RSU1: variants seen among roughly 807,000 people sequenced by gnomAD.
RSU1 encodes Ras suppressor protein 1, also known as rsu-1.
RSU1 carries 26 observed loss-of-function variants against 31.1 expected under a neutral mutation model. The observed-to-expected ratio is 0.84, with a 90% confidence interval of 0.61 to 1.16. The LOEUF is 1.16. Ranked by LOEUF, RSU1 falls within the 50% of genes most tolerant of loss-of-function variation. The pLI is 0.00. For synonymous variants in RSU1, 164 were observed against 136.3 expected, an observed-to-expected ratio of 1.20 and a Z score of -1.41; for missense variants, 320 against 339.1, an observed-to-expected ratio of 0.94 and a Z score of 0.44.
At chr10:16,642,174 G>A (rs1834453775) in intron 8 of RSU1, among the ~76,000 whole-genome samples, 1 of 152,092 alleles carries the variant, frequency 6.6e-6, no homozygotes. Flanking sequence ...GAGGAATACT[G>A]AAATCCACTT....
At chr10:16,704,639 GT>G (rs1432363756) in intron 7 of RSU1, among the ~76,000 whole-genome samples, 3 of 152,214 alleles carry the variant, frequency 2.0e-5, no homozygotes, top group East Asian at 1.9e-4. Flanking sequence ...CCAGAATTCT[GT>G]CATCAGAATC....
intron 7 of RSU1, among the ~76,000 whole-genome samples, chr10:16,709,261 T>C (rs1014739135): frequency 3.3e-5 from 5 of 152,082 alleles, no homozygotes; most frequent in African/African-American, 1.2e-4. Flanking sequence ...TTTTTTGTCC[T>C]TGCGATAGTT....
chr10:16,738,948 G>A (rs544126073), intron 7 of RSU1, among the ~76,000 whole-genome samples: 50 of 149,542 alleles, frequency 3.3e-4, no homozygotes, highest in Admixed American at 6.0e-4. Context: ...ACTTATGAAC[G>A]AGAACATGTG....
At position 16,662,727 on chromosome 10, in the gene RSU1, T is replaced by A. The variant is rs556659466; in HGVS notation, c.731+32296A>T. ...ACGAAAGGAACTTCCAAACTTCAAC[T>A]GGTTAGATATTATCTGATCACTCAT... On this transcript the variant is annotated intron_variant, in intron 8 of 8. Transcript: ENST00000345264. 7.2e-5 allele frequency among the ~76,000 whole-genome samples: 11 copies of A among 152,308 alleles called. No homozygotes were observed. In the South Asian group the frequency reaches 1.2e-3, roughly 17 times the overall value.
chr10:16,801,170 T>A (rs1222678039), intron 2 of RSU1, among the ~76,000 whole-genome samples: 1 of 150,070 alleles, frequency 6.7e-6, no homozygotes, highest in Non-Finnish European at 1.5e-5. Context: ...TAGATACAAC[T>A]AAATTAAAAG....
chr10:16,616,716 G>A lies in RSU1; in HGVS notation c.732-23220C>T, dbSNP rs183388253. Among the ~76,000 whole-genome samples the A allele has an allele frequency of 9.6e-4, 146 of 152,234 alleles. 1 individual carries two copies. Among genetic ancestry groups the A allele is most frequent in the African/African-American group, 3.1e-3 (128 of 41,536 alleles). On this transcript the variant is annotated intron_variant, in intron 8 of 8. Coordinates refer to ENST00000345264, the MANE Select transcript of RSU1 (RefSeq NM_012425.4). ...GGGATGCAAGGCTGGTTCAGCATAC[G>A]CAAATCAATAAAAGTAATCCATCAC...
chr10:16,653,781 A>C (rs1834726122), intron 8 of RSU1, among the ~76,000 whole-genome samples: 1 of 152,094 alleles, frequency 6.6e-6, no homozygotes, highest in South Asian at 2.1e-4. Context: ...CCTGTGCATT[A>C]ATAAGTGGCA....
intron 7 of RSU1, among the ~76,000 whole-genome samples, chr10:16,704,559 T>C (rs1012309110): frequency 6.6e-6 from 1 of 152,220 alleles, no homozygotes; most frequent in Non-Finnish European, 1.5e-5. Flanking sequence ...GTATAATCAA[T>C]AATGTGAGAT....
chr10:16,761,846 ACT>A (rs1362577778), intron 4 of RSU1, among the ~76,000 whole-genome samples: 6 of 151,940 alleles, frequency 3.9e-5, no homozygotes, highest in African/African-American at 1.5e-4. Flanking sequence ...ACAGAGTGAG[ACT>A]CTGTCTCAAA....
intron 7 of RSU1, among the ~76,000 whole-genome samples, chr10:16,723,656 C>A (rs1248570927): frequency 6.6e-6 from 1 of 152,190 alleles, no homozygotes; most frequent in Non-Finnish European, 1.5e-5. Context: ...CTGAGTTAAT[C>A]AGCCTCCAAG....
intron 2 of RSU1, among the ~76,000 whole-genome samples, chr10:16,812,397 A>C (rs1838428076): frequency 6.6e-6 from 1 of 152,216 alleles, no homozygotes; most frequent in Admixed American, 6.5e-5. Flanking sequence ...AGCAGAGATC[A>C]CGCCACTGCA....
rs562377318 is a variant in RSU1 at position 16,634,478 on chromosome 10, A to G, written c.732-40982T>C. ...TTCATAGGTATATAACTTTTTACAC[A>G]CGAGTAGAGTCCTGTATCACCTTAC... is the stretch of plus-strand genomic sequence containing the variant. On this transcript the variant is annotated intron_variant, in intron 8 of 8. Coordinates refer to ENST00000345264, the MANE Select transcript of RSU1 (RefSeq NM_012425.4). Among the ~76,000 whole-genome samples the G allele has an allele frequency of 5.3e-5, 8 of 152,334 alleles. No homozygotes were observed. In the South Asian group the frequency reaches 1.7e-3, roughly 32 times the overall value.
At chr10:16,593,562 G>A (rs576597423) in intron 8 of RSU1, 66 bp from the exon 9 acceptor site, 255 of 1,215,766 alleles carry the variant, frequency 2.1e-4, no homozygotes, top group Admixed American at 2.2e-4. Context: ...TTCACTGGAA[G>A]AGCTTTCAGG....
intron 2 of RSU1, among the ~76,000 whole-genome samples, chr10:16,783,654 G>C (rs756873980): frequency 8.3e-6 from 1 of 120,908 alleles, no homozygotes; most frequent in African/African-American, 4.7e-5. Context: ...GAGTCCGGCC[G>C]CATGTTTTTT....
intron 8 of RSU1, among the ~76,000 whole-genome samples, chr10:16,612,557 G>A (rs187249109): frequency 2.6e-5 from 4 of 152,302 alleles, no homozygotes; most frequent in East Asian, 1.9e-4. Context: ...AGCTGTTCTC[G>A]AATCTGTTCA....
chr10:16,697,938 C>CTGCTT (rs1040396460), intron 7 of RSU1, among the ~76,000 whole-genome samples: 8 of 145,900 alleles, frequency 5.5e-5, no homozygotes, highest in African/African-American at 2.0e-4. Flanking sequence ...ATTTACACAA[C>CTGCTT]TGCTTTGCTT....
chr10:16,594,745 T>C (rs1369118393), intron 8 of RSU1, among the ~76,000 whole-genome samples: 2 of 145,674 alleles, frequency 1.4e-5, no homozygotes, highest in African/African-American at 5.0e-5. Flanking sequence ...ATATATATCA[T>C]ATAAAATATA....
chr10:16,806,452 T>G (rs944108743), intron 2 of RSU1, among the ~76,000 whole-genome samples: 7 of 152,304 alleles, frequency 4.6e-5, no homozygotes, highest in African/African-American at 1.7e-4. Context: ...CTGGGTGACT[T>G]TGAGCAAGTT....
rs550006699 is a variant in RSU1, at chr10:16,743,909, C to T, written c.598+8630G>A. ...ATTTTGGGAGGACAAGGTGGAAGGA[C>T]GGCCTCAGCTCAGGAGTTCGAGACC... is the stretch of plus-strand genomic sequence containing the variant. On this transcript the variant is annotated intron_variant, in intron 7 of 8. Coordinates refer to ENST00000345264, the MANE Select transcript of RSU1 (RefSeq NM_012425.4). Among the ~76,000 whole-genome samples the T allele has an allele frequency of 2.6e-5, 4 of 152,066 alleles. No homozygotes were observed. The East Asian group carries it at 5.8e-4, about 22-fold the overall frequency.
Sources: gnomAD v4.1 joint callset for allele counts (sites outside exome capture counted in the v4.1 genomes callset) on GRCh38, gnomAD v4.1.1 for gene constraint, MANE v1.5 for transcripts, NCBI Gene and HGNC (gene_info 2026-07-23, HGNC 2026-07-21) for gene names.